The following RGS5 variants were observed in gnomAD, a reference collection of about 807,000 sequenced individuals.
RGS5 encodes the protein regulator of G-protein signalling 5.
Under a neutral mutation model 18.9 loss-of-function variants are expected in RGS5, and 20 were observed. The ratio of observed to expected loss-of-function variants is 1.06; its 90% CI spans 0.74 to 1.54. RGS5 has a LOEUF of 1.54. Among genes scored for constraint, RGS5 ranks in the 40% most tolerant of loss-of-function variants. The pLI, the probability that RGS5 is intolerant of heterozygous loss-of-function variation, is 0.00. For synonymous variants in RGS5, 57 were observed against 76.2 expected (o/e 0.75, Z 1.31); for missense variants, 201 against 211.8 (o/e 0.95, Z 0.32).
intron 2 of RGS5, among the ~76,000 whole-genome samples, chr1:163,232,446 G>T (rs1291381914): frequency 6.6e-6 from 1 of 152,154 alleles, no homozygotes; most frequent in Non-Finnish European, 1.5e-5. Context: ...TACACAATAA[G>T]TCTGGGTGAA....
upstream of RGS5, among the ~76,000 whole-genome samples, chr1:163,219,166 C>T (rs1197328667): frequency 7.9e-5 from 12 of 152,202 alleles, 1 homozygote; most frequent in South Asian, 4.1e-4. Flanking sequence ...GAGAGCTCTA[C>T]GGATTTTCAC....
chr1:163,239,808 T>TATGTAGATTGTATGTCTAC (rs1202101814), intron 2 of RGS5, among the ~76,000 whole-genome samples: 1 of 151,994 alleles, frequency 6.6e-6, no homozygotes, highest in Non-Finnish European at 1.5e-5. Flanking sequence ...TCTACAATCT[T>TATGTAGATTGTATGTCTAC]AATCTATGTA....
At chr1:163,176,805 T>G (rs1174386233) in intron 1 of RGS5, among the ~76,000 whole-genome samples, 1 of 152,138 alleles carries the variant, frequency 6.6e-6, no homozygotes, top group Non-Finnish European at 1.5e-5. Context: ...GAGTTTATGT[T>G]TAAATTGGGC....
intron 1 of RGS5, among the ~76,000 whole-genome samples, chr1:163,209,096 T>A (rs770617084): frequency 6.6e-6 from 1 of 152,174 alleles, no homozygotes; most frequent in Non-Finnish European, 1.5e-5. Flanking sequence ...TGTTCTATGA[T>A]TGCAGTGAAT....
At chr1:163,273,971 A>G (rs1210764722) in intron 2 of RGS5, among the ~76,000 whole-genome samples, 2 of 152,152 alleles carry the variant, frequency 1.3e-5, no homozygotes, top group Non-Finnish European at 2.9e-5. Flanking sequence ...TTGTGCCTGC[A>G]TAGCTTAATG....
At chr1:163,246,875 A>G (rs1647956244) in intron 2 of RGS5, among the ~76,000 whole-genome samples, 1 of 152,248 alleles carries the variant, frequency 6.6e-6, no homozygotes, top group Non-Finnish European at 1.5e-5. Flanking sequence ...AATGTGGTAC[A>G]TATACACTAT....
At chr1:163,304,736 T>A (rs1408966434) in intron 2 of RGS5, 2 of 152,240 alleles carry the variant, frequency 1.3e-5, no homozygotes, top group Non-Finnish European at 2.9e-5. Flanking sequence ...TTTTGTTAAC[T>A]TGATTTAAAC....
At chr1:163,243,429 C>T (rs1186490426) in intron 2 of RGS5, among the ~76,000 whole-genome samples, 1 of 151,982 alleles carries the variant, frequency 6.6e-6, no homozygotes, top group Non-Finnish European at 1.5e-5. Context: ...GGGTGGATCA[C>T]GAGATCAGGA....
chr1:163,284,714 T>C (rs957188302), intron 2 of RGS5, among the ~76,000 whole-genome samples: 6 of 152,116 alleles, frequency 3.9e-5, no homozygotes, highest in Non-Finnish European at 1.5e-5. Flanking sequence ...GTATCTCCAA[T>C]AGGATCTGTC....
At chr1:163,149,167 G>T (rs1452222061) in intron 4 of RGS5, among the ~76,000 whole-genome samples, 7 of 152,200 alleles carry the variant, frequency 4.6e-5, no homozygotes, top group Admixed American at 4.6e-4. Context: ...TGTCAGAATT[G>T]GGATCAGCGT....
At chr1:163,254,830 T>C (rs1376406262) in intron 2 of RGS5, among the ~76,000 whole-genome samples, 1 of 151,528 alleles carries the variant, frequency 6.6e-6, no homozygotes, top group African/African-American at 2.4e-5. Flanking sequence ...TTGTATAAGG[T>C]GTAAGGAAGG....
chr1:163,285,445 C>G (rs1313347600), intron 2 of RGS5, among the ~76,000 whole-genome samples: 2 of 152,042 alleles, frequency 1.3e-5, no homozygotes, highest in Non-Finnish European at 2.9e-5. Flanking sequence ...ATCCCAGCTA[C>G]TCGGGAGGCT....
chr1:163,305,781 A>G (rs567460963), intron 2 of RGS5, among the ~76,000 whole-genome samples: 2 of 152,222 alleles, frequency 1.3e-5, no homozygotes, highest in South Asian at 2.1e-4. Context: ...TCTATCTACT[A>G]TGATTCTCTT....
At chr1:163,200,476 A>T (rs1571282441) in intron 1 of RGS5, among the ~76,000 whole-genome samples, 1 of 151,764 alleles carries the variant, frequency 6.6e-6, no homozygotes, top group Non-Finnish European at 1.5e-5. Flanking sequence ...TGTGTGGGGG[A>T]GGAAGGTGGG....
intron 1 of RGS5, among the ~76,000 whole-genome samples, chr1:163,319,564 A>C (rs532487507): frequency 6.6e-6 from 1 of 152,260 alleles, no homozygotes; most frequent in African/African-American, 2.4e-5. Context: ...ACAATCTGTC[A>C]TATATCACTT....
upstream of RGS5, among the ~76,000 whole-genome samples, chr1:163,220,959 C>G (rs1345961152): frequency 6.6e-6 from 1 of 152,056 alleles, no homozygotes; most frequent in Non-Finnish European, 1.5e-5. Context: ...AGGAACACAG[C>G]CCTGTTGTGA....
chr1:163,232,607 G>A (rs529426088), intron 2 of RGS5, among the ~76,000 whole-genome samples: 13 of 152,182 alleles, frequency 8.5e-5, no homozygotes, highest in African/African-American at 3.1e-4. Context: ...ACATGCCCAG[G>A]TACAGAACCC....
intron 2 of RGS5, among the ~76,000 whole-genome samples, chr1:163,232,722 C>T (rs967364446): frequency 6.6e-6 from 1 of 152,102 alleles, no homozygotes; most frequent in African/African-American, 2.4e-5. Flanking sequence ...CCTGTGGAGG[C>T]AGACATGCCT....
chr1:163,313,788 T>C (rs1256816809), intron 1 of RGS5, among the ~76,000 whole-genome samples: 1 of 152,176 alleles, frequency 6.6e-6, no homozygotes, highest in Non-Finnish European at 1.5e-5. Flanking sequence ...GGATAAAATC[T>C]GTAGAACATA....
Sources: allele counts gnomAD v4.1 joint callset (sites outside exome capture counted in the v4.1 genomes callset), GRCh38; gene constraint gnomAD v4.1.1; transcripts MANE v1.5; gene names NCBI Gene and HGNC (gene_info 2026-07-23, HGNC 2026-07-21).